Variants in GPC6 observed in about 807,000 individuals in gnomAD.
GPC6 encodes the protein glypican-6.
Under a neutral mutation model 55.2 loss-of-function variants are expected in GPC6, and 14 were observed. The observed-to-expected ratio is 0.25, with a 90% CI of 0.17 to 0.40. GPC6 has a LOEUF of 0.40. Ranked by LOEUF, GPC6 falls within the 10% of genes least tolerant of loss-of-function variation. The pLI is 1.00. For synonymous variants in GPC6, 278 were observed against 259.6 expected, an observed-to-expected ratio of 1.07 and a Z score of -0.68; for missense variants, 641 against 708.5, an observed-to-expected ratio of 0.90 and a Z score of 1.08.
chr13:93,633,766 A>G (rs989499663), intron 2 of GPC6, among the ~76,000 whole-genome samples: 1 of 152,176 alleles, frequency 6.6e-6, no homozygotes, highest in Non-Finnish European at 1.5e-5. Context: ...AAGAATAGAA[A>G]GTCGGATTAT....
intron 4 of GPC6, among the ~76,000 whole-genome samples, chr13:94,229,690 A>G (rs1890663987): frequency 6.6e-6 from 1 of 152,148 alleles, no homozygotes; most frequent in Non-Finnish European, 1.5e-5. Flanking sequence ...TTGACTTACA[A>G]ACAACCAGAC....
rs1385430054 is a variant in GPC6, at chr13:94,213,666, C to T, written c.878-72683C>T. Among the ~76,000 whole-genome samples the T allele has an allele frequency of 2.0e-5, 3 of 152,262 alleles. No individual in the cohort carries two copies. The South Asian group carries it at 6.2e-4, about 32-fold the overall frequency. On this transcript the variant is annotated intron_variant, in intron 4 of 8. Coordinates refer to ENST00000377047, the MANE Select transcript of GPC6 (RefSeq NM_005708.5). ...TCACCCTCCAGCATCCCAGCCCCGG[C>T]TCATCCACATGATGGTGGCAAGGTT...
chr13:93,502,868 T>C (rs972412270), intron 1 of GPC6, among the ~76,000 whole-genome samples: 1 of 152,092 alleles, frequency 6.6e-6, no homozygotes, highest in African/African-American at 2.4e-5. Flanking sequence ...GTGTAGCACA[T>C]TATTATATAA....
intron 1 of GPC6, among the ~76,000 whole-genome samples, chr13:93,514,119 C>T (rs1202740688): frequency 2.0e-5 from 3 of 152,072 alleles, no homozygotes; most frequent in South Asian, 2.1e-4. Context: ...GTGATCCACC[C>T]GCCTCAGCCT....
At chr13:93,244,350 T>G (rs566782037) in intron 1 of GPC6, among the ~76,000 whole-genome samples, 1 of 152,304 alleles carries the variant, frequency 6.6e-6, no homozygotes, top group African/African-American at 2.4e-5. Flanking sequence ...ACCGCAGCTC[T>G]TAGGCCACAC....
chr13:93,911,469 C>G (rs1876977294), intron 3 of GPC6, among the ~76,000 whole-genome samples: 1 of 151,582 alleles, frequency 6.6e-6, no homozygotes, highest in African/African-American at 2.4e-5. Context: ...TGGTCAATCA[C>G]AAGGATATGT....
upstream of GPC6, among the ~76,000 whole-genome samples, chr13:93,225,486 GTTT>G (rs66859110): frequency 1.6e-3 from 241 of 151,548 alleles, no homozygotes; most frequent in African/African-American, 5.5e-3. Context: ...TAGCTATGGA[GTTT>G]TTTTTTTTGT....
intron 2 of GPC6, among the ~76,000 whole-genome samples, chr13:93,711,717 A>G (rs1404299680): frequency 6.6e-6 from 1 of 151,686 alleles, no homozygotes; most frequent in East Asian, 2.0e-4. Context: ...ATTCTGCTCT[A>G]ATTTTCTGCC....
intron 6 of GPC6, among the ~76,000 whole-genome samples, chr13:94,326,236 CAG>C (rs1877110938): frequency 6.6e-6 from 1 of 151,250 alleles, no homozygotes; most frequent in South Asian, 2.1e-4. Context: ...CACACACACA[CAG>C]GCACATATAT....
At chr13:93,380,056 C>G (rs954824087) in intron 1 of GPC6, among the ~76,000 whole-genome samples, 8 of 151,152 alleles carry the variant, frequency 5.3e-5, no homozygotes, top group African/African-American at 1.9e-4. Context: ...TGGGAAAATG[C>G]TGGTAAGGGA....
At chr13:93,919,472 C>T (rs1233098766) in intron 3 of GPC6, among the ~76,000 whole-genome samples, 1 of 152,200 alleles carries the variant, frequency 6.6e-6, no homozygotes, top group African/African-American at 2.4e-5. Flanking sequence ...CATGTTCCTA[C>T]ATCTCCTTCA....
intron 1 of GPC6, among the ~76,000 whole-genome samples, chr13:93,528,375 T>C (rs564194676): frequency 9.1e-4 from 139 of 152,270 alleles, no homozygotes; most frequent in Non-Finnish European, 1.8e-3. Context: ...AATTTATAGA[T>C]GGTAGTTGGT....
chr13:94,080,470 C>T (rs1221896386), intron 4 of GPC6, among the ~76,000 whole-genome samples: 1 of 151,968 alleles, frequency 6.6e-6, no homozygotes, highest in East Asian at 1.9e-4. Context: ...CTTAGATAAA[C>T]AAAATAAATA....
At chr13:93,938,460 G>A (rs1878553199) in intron 3 of GPC6, among the ~76,000 whole-genome samples, 1 of 152,080 alleles carries the variant, frequency 6.6e-6, no homozygotes, top group African/African-American at 2.4e-5. Context: ...ACCCTACCAT[G>A]TTATTCTAAC....
intron 3 of GPC6, among the ~76,000 whole-genome samples, chr13:93,900,086 C>T (rs1705403359): frequency 1.3e-5 from 2 of 152,120 alleles, no homozygotes; most frequent in African/African-American, 2.4e-5. Context: ...TGTGAGATAG[C>T]TGATGAAATT....
chr13:93,480,754 AC>A (rs1232408705), intron 1 of GPC6, among the ~76,000 whole-genome samples: 2 of 152,198 alleles, frequency 1.3e-5, no homozygotes, highest in African/African-American at 4.8e-5. Context: ...AGGGTCATCT[AC>A]ACTGTAGCAC....
chr13:93,891,970 A>G (rs780719107), intron 3 of GPC6, among the ~76,000 whole-genome samples: 5 of 151,926 alleles, frequency 3.3e-5, no homozygotes, highest in Non-Finnish European at 7.4e-5. Context: ...AAAATTGTCA[A>G]TTAACAAAGT....
At chr13:93,351,903 T>C (rs984493731) in intron 1 of GPC6, among the ~76,000 whole-genome samples, 1 of 152,096 alleles carries the variant, frequency 6.6e-6, no homozygotes, top group African/African-American at 2.4e-5. Context: ...AGCATAACAT[T>C]TAGGGTTCAA....
chr13:94,229,856 T>C (rs902169457), intron 4 of GPC6, among the ~76,000 whole-genome samples: 1 of 152,210 alleles, frequency 6.6e-6, no homozygotes, highest in Non-Finnish European at 1.5e-5. Flanking sequence ...ATCAACACTT[T>C]CACAGAAGGC....
Sources: allele counts gnomAD v4.1 joint callset (sites outside exome capture counted in the v4.1 genomes callset), GRCh38; gene constraint gnomAD v4.1.1; transcripts MANE v1.5; gene names NCBI Gene and HGNC (gene_info 2026-07-23, HGNC 2026-07-21).